Variants in CDH13 observed in about 807,000 individuals in gnomAD.
CDH13 encodes the protein cadherin 13, also known as cadherin-13.
In CDH13, 24 loss-of-function variants were observed where a neutral mutation model predicts 63.8. That is an observed-to-expected ratio of 0.38 (90% confidence interval 0.27 to 0.53). The LOEUF (loss-of-function observed/expected upper bound fraction) is 0.53. Ranked by LOEUF, CDH13 falls within the 20% of genes least tolerant of loss-of-function variation. The pLI is 0.85. For missense variants in CDH13, 1,049 were observed against 903.1 expected, an observed-to-expected ratio of 1.16 and a Z score of -2.07; for synonymous variants, 503 against 355.3, an observed-to-expected ratio of 1.42 and a Z score of -4.67.
At chr16:82,850,538 G>A (rs904409222) in intron 1 of CDH13, among the ~76,000 whole-genome samples, 5 of 152,130 alleles carry the variant, frequency 3.3e-5, no homozygotes, top group African/African-American at 7.2e-5. Flanking sequence ...ATTTAGAATC[G>A]TACCTAAACT....
chr16:82,684,366 A>G (rs1914852631), intron 1 of CDH13, among the ~76,000 whole-genome samples: 1 of 152,202 alleles, frequency 6.6e-6, no homozygotes, highest in South Asian at 2.1e-4. Context: ...ATGTGTCTAC[A>G]GCTGGGATAG....
At chr16:83,008,077 T>G (rs1420788040) in intron 2 of CDH13, among the ~76,000 whole-genome samples, 1 of 152,208 alleles carries the variant, frequency 6.6e-6, no homozygotes, top group Non-Finnish European at 1.5e-5. Flanking sequence ...CTTCATTGAT[T>G]CATTATGTTT....
chr16:82,984,750 G>C (rs552116744), intron 2 of CDH13, among the ~76,000 whole-genome samples: 24 of 152,226 alleles, frequency 1.6e-4, no homozygotes, highest in African/African-American at 5.5e-4. Context: ...TTAAACCTAG[G>C]CAATTCAGTC....
intron 5 of CDH13, among the ~76,000 whole-genome samples, chr16:83,297,746 A>G (rs953331117): frequency 6.6e-6 from 1 of 152,202 alleles, no homozygotes; most frequent in Non-Finnish European, 1.5e-5. Context: ...TGGTTAATAT[A>G]TATCCTATGG....
At chr16:83,083,331 A>T (rs565556227) in intron 3 of CDH13, among the ~76,000 whole-genome samples, 1 of 152,334 alleles carries the variant, frequency 6.6e-6, no homozygotes, top group East Asian at 1.9e-4. Flanking sequence ...TATACCGTAC[A>T]GTATAAACAA....
chr16:83,509,751 T>C (rs1298189203), intron 7 of CDH13, among the ~76,000 whole-genome samples: 1 of 152,176 alleles, frequency 6.6e-6, no homozygotes, highest in Non-Finnish European at 1.5e-5. Context: ...AAAAACTAAG[T>C]TTTATTAAAG....
intron 6 of CDH13, among the ~76,000 whole-genome samples, chr16:83,480,986 C>T (rs183495624): frequency 9.2e-5 from 14 of 152,304 alleles, no homozygotes; most frequent in Non-Finnish European, 1.5e-5. Context: ...TGACCACATT[C>T]TCCTTTTGAA....
chr16:83,110,477 C>T (rs1715222185), intron 3 of CDH13, among the ~76,000 whole-genome samples: 1 of 152,140 alleles, frequency 6.6e-6, no homozygotes, highest in Non-Finnish European at 1.5e-5. Context: ...CCTCCCAGAA[C>T]ACAAATGAAA....
At chr16:83,635,750 T>A (rs1245614461) in intron 8 of CDH13, among the ~76,000 whole-genome samples, 1 of 152,202 alleles carries the variant, frequency 6.6e-6, no homozygotes, top group Admixed American at 6.5e-5. Flanking sequence ...TCTCAATCTG[T>A]GGCTTGTCTG....
intron 2 of CDH13, among the ~76,000 whole-genome samples, chr16:83,019,495 C>CTT (rs769273795): frequency 2.7e-4 from 36 of 132,308 alleles, no homozygotes; most frequent in South Asian, 7.3e-4. Flanking sequence ...TTAACATTTT[C>CTT]TTTTTTTTTT....
intron 5 of CDH13, among the ~76,000 whole-genome samples, chr16:83,299,856 G>A (rs938253745): frequency 4.6e-5 from 7 of 152,134 alleles, no homozygotes; most frequent in South Asian, 2.1e-4. Flanking sequence ...GAGATCAGGC[G>A]TCTCCTCATG....
At chr16:83,703,093 C>A (rs1162641531) in intron 10 of CDH13, among the ~76,000 whole-genome samples, 1 of 152,204 alleles carries the variant, frequency 6.6e-6, no homozygotes, top group Non-Finnish European at 1.5e-5. Flanking sequence ...TCATGTATCT[C>A]TTTGAATAGA....
intron 5 of CDH13, among the ~76,000 whole-genome samples, chr16:83,275,456 A>G (rs2151850614): frequency 6.6e-6 from 1 of 152,330 alleles, no homozygotes; most frequent in Middle Eastern, 3.4e-3. Context: ...TAAAGAAGAC[A>G]GCACTGACAT....
chr16:83,482,817 G>A (rs1272356564), intron 6 of CDH13, among the ~76,000 whole-genome samples: 1 of 152,212 alleles, frequency 6.6e-6, no homozygotes, highest in African/African-American at 2.4e-5. Flanking sequence ...CTAAGACCAT[G>A]GGCAGGGTGG....
chr16:82,872,672 C>T (rs961263513), intron 2 of CDH13, among the ~76,000 whole-genome samples: 1 of 152,094 alleles, frequency 6.6e-6, no homozygotes, highest in African/African-American at 2.4e-5. Flanking sequence ...GGCTTGAGAG[C>T]AAAAGGGCAA....
At chr16:83,703,346 G>C (rs191371212) in intron 10 of CDH13, among the ~76,000 whole-genome samples, 1 of 152,168 alleles carries the variant, frequency 6.6e-6, no homozygotes, top group East Asian at 1.9e-4. Context: ...GTACACTGAA[G>C]CCTTATTTAT....
At chr16:83,505,338 T>A (rs1183230334) in intron 7 of CDH13, among the ~76,000 whole-genome samples, 1 of 152,126 alleles carries the variant, frequency 6.6e-6, no homozygotes, top group Non-Finnish European at 1.5e-5. Context: ...ACACTAGGAC[T>A]CAGAAGTGCT....
intron 3 of CDH13, among the ~76,000 whole-genome samples, chr16:83,059,869 A>G (rs1416371523): frequency 2.2e-5 from 3 of 138,696 alleles, no homozygotes; most frequent in Admixed American, 1.6e-4. Flanking sequence ...ATCTTGGCTC[A>G]CTGCAAACTC....
At chr16:83,570,090 C>T (rs536850427) in intron 7 of CDH13, among the ~76,000 whole-genome samples, 131 of 152,226 alleles carry the variant, frequency 8.6e-4, no homozygotes, top group African/African-American at 3.0e-3. Flanking sequence ...GACTTAGGTC[C>T]CTGGTCCTGT....
Sources: allele counts gnomAD v4.1 joint callset (sites outside exome capture counted in the v4.1 genomes callset), GRCh38; gene constraint gnomAD v4.1.1; transcripts MANE v1.5; gene names NCBI Gene and HGNC (gene_info 2026-07-23, HGNC 2026-07-21).